ICA1: variants seen among roughly 807,000 people sequenced by gnomAD.
ICA1 encodes 69 kDa islet cell autoantigen.
Under a neutral mutation model 71.0 loss-of-function variants are expected in ICA1, and 40 were observed. That is an observed-to-expected ratio of 0.56 (90% CI 0.44 to 0.73). The LOEUF (loss-of-function observed/expected upper bound fraction) is 0.73. Among genes scored for constraint, ICA1 ranks in the 30% least tolerant of loss-of-function variants. ICA1 has a pLI of 0.00. For synonymous variants in ICA1, 207 were observed against 209.5 expected (o/e 0.99, Z 0.10); for missense variants, 578 against 576.5 (o/e 1.00, Z -0.03).
chr7:8,197,463 G>C lies in ICA1; in HGVS notation c.579+20842C>G, dbSNP rs573915505. On this transcript the variant is annotated intron_variant, in intron 6 of 13. Transcript: ENST00000402384. The stretch of plus-strand genomic sequence containing the variant: ...AGCTACTCGGGAGACTGGGGCAGAA[G>C]ACTCACTTGAACCCGGGAGGTGGAG... Among the ~76,000 whole-genome samples, 3 of 149,622 alleles carry C rather than the reference G, an allele frequency of 2.0e-5. No homozygotes were observed. In the South Asian group the frequency reaches 6.3e-4, roughly 32 times the overall value.
At chr7:8,151,200 G>C (rs569695819) in intron 8 of ICA1, among the ~76,000 whole-genome samples, 1 of 152,300 alleles carries the variant, frequency 6.6e-6, no homozygotes, top group African/African-American at 2.4e-5. Flanking sequence ...CCACACAATA[G>C]TAATATTTTT....
chr7:8,258,095 G>A (rs983757572), intron 1 of ICA1, among the ~76,000 whole-genome samples: 8 of 152,066 alleles, frequency 5.3e-5, no homozygotes, highest in East Asian at 1.9e-4. Flanking sequence ...TCTCCTGTTG[G>A]GGTGGGATGC....
chr7:8,145,503 C>T (rs1796550112), intron 8 of ICA1, among the ~76,000 whole-genome samples: 1 of 152,028 alleles, frequency 6.6e-6, no homozygotes. Context: ...CTAAGCATGC[C>T]AAATTCAGGA....
chr7:8,169,901 A>AGTGTGTGTGTGTGTGTGT (rs58794085), intron 6 of ICA1, among the ~76,000 whole-genome samples: 2,959 of 147,144 alleles, frequency 0.02, 45 homozygotes, highest in Non-Finnish European at 0.032. Context: ...TTAATGCCTG[A>AGTGTGTGTGTGTGTGTGT]GTGTGTGTGT....
chr7:8,186,043 T>C (rs1299638468), intron 6 of ICA1, among the ~76,000 whole-genome samples: 1 of 151,942 alleles, frequency 6.6e-6, no homozygotes, highest in East Asian at 1.9e-4. Flanking sequence ...GGCAAAAGAG[T>C]GGTTGTATAA....
chr7:8,261,992 G>T (rs1324069450), intron 1 of ICA1, 102 bp downstream of exon 1: 2 of 152,304 alleles, frequency 1.3e-5, no homozygotes, highest in African/African-American at 2.4e-5. Context: ...AGAGAAGGCA[G>T]CTCCTACCAG....
rs1797357359 is a variant in ICA1, at chr7:8,222,308, A to G, written c.257-910T>C. Among the ~76,000 whole-genome samples the G allele has an allele frequency of 6.6e-6, 1 of 152,182 alleles. No individual in the cohort carries two copies. The highest frequency in any genetic ancestry group is 6.5e-5 in the Admixed American group (1 of 15,278). On this transcript the variant is annotated intron_variant, in intron 4 of 13. Coordinates refer to ENST00000402384, the MANE Select transcript of ICA1 (RefSeq NM_001136020.3). The surrounding 1 kb of genome is among the most constrained non-coding windows in gnomAD (Gnocchi z 4.8). ...GGTCCTGAACACACACCAGCAGCCA[A>G]GCCACAGGCACCAGAGTGACACTTA...
At chr7:8,198,206 T>C (rs10952095) in intron 6 of ICA1, among the ~76,000 whole-genome samples, 73,302 of 152,082 alleles carry the variant, frequency 0.48, 21,794 homozygotes, top group South Asian at 0.74. Flanking sequence ...TGCTACTTCA[T>C]GCTCCTTCTC....
At position 8,151,159 on chromosome 7, in the gene ICA1, C is replaced by T. The variant is rs1029066710; in HGVS notation, c.804+5957G>A. Among the ~76,000 whole-genome samples the T allele has an allele frequency of 2.6e-5, 4 of 152,234 alleles. No individual in the cohort carries two copies. In the East Asian group the frequency reaches 5.8e-4, roughly 22 times the overall value. ...CTCCTAGACACTATTTCACCTCACC[C>T]TTTGCAGAGCGTTTGGCCCAGACAA... On this transcript the variant is annotated intron_variant, in intron 8 of 13. Transcript: ENST00000402384.
In ICA1 at chr7:8,144,240, C is replaced by G. The variant is rs1013831233; in HGVS notation, c.805-268G>C. Among the ~76,000 whole-genome samples, 1 of 151,974 alleles carries G rather than the reference C, an allele frequency of 6.6e-6. No homozygotes were observed. Among genetic ancestry groups the G allele is most frequent in the African/African-American group, 2.4e-5 (1 of 41,388 alleles). ...TGATTTGCCACAAGATTTATGTTTT[C>G]CATTTTGTGATAAGTTATTCAAACG... On this transcript the variant is annotated intron_variant, in intron 8 of 13. Coordinates refer to ENST00000402384, the MANE Select transcript of ICA1 (RefSeq NM_001136020.3). This position sits in a 1 kb window ranked among gnomAD's most constrained non-coding sequence, Gnocchi z 4.5.
intron 6 of ICA1, among the ~76,000 whole-genome samples, chr7:8,175,558 G>A (rs1400685824): frequency 6.6e-6 from 1 of 152,068 alleles, no homozygotes; most frequent in East Asian, 1.9e-4. Context: ...AACCACACAT[G>A]CAGCTGACAC....
At chr7:8,157,403 C>A in intron 7 of ICA1, 189 bp from the exon 8 acceptor site, 1 of 588,504 alleles carries the variant, frequency 1.7e-6, no homozygotes, top group Non-Finnish European at 2.9e-6. Flanking sequence ...CCTGTTTCCC[C>A]AAATGCTGCC....
At chr7:8,170,766 C>G (rs1172746802) in intron 6 of ICA1, among the ~76,000 whole-genome samples, 2 of 151,968 alleles carry the variant, frequency 1.3e-5, no homozygotes, top group Non-Finnish European at 2.9e-5. Flanking sequence ...TGTACACATG[C>G]TGTCCAAGAA....
At chr7:8,246,046 C>A (rs897689556) in intron 1 of ICA1, among the ~76,000 whole-genome samples, 4 of 152,188 alleles carry the variant, frequency 2.6e-5, no homozygotes, top group Admixed American at 6.5e-5. Context: ...TCCACTTCTG[C>A]CACAAGGCCC....
chr7:8,241,470 T>C (rs1803855398), intron 1 of ICA1, among the ~76,000 whole-genome samples: 1 of 152,166 alleles, frequency 6.6e-6, no homozygotes, highest in Non-Finnish European at 1.5e-5. Flanking sequence ...ACATGCCAAA[T>C]TGTAAAGACC....
chr7:8,169,144 T>C (rs879852711), intron 6 of ICA1, among the ~76,000 whole-genome samples: 4 of 152,170 alleles, frequency 2.6e-5, no homozygotes, highest in Non-Finnish European at 5.9e-5. Context: ...GGCTGGATTC[T>C]TTCACTCAGC....
At chr7:8,166,852 G>A (rs1806176702) in intron 6 of ICA1, among the ~76,000 whole-genome samples, 1 of 151,770 alleles carries the variant, frequency 6.6e-6, no homozygotes, top group African/African-American at 2.4e-5. Flanking sequence ...CTATTCAAAA[G>A]AAGACATGGC....
chr7:8,153,941 T>G (rs1584640592), intron 8 of ICA1, among the ~76,000 whole-genome samples: 1 of 151,146 alleles, frequency 6.6e-6, no homozygotes, highest in Non-Finnish European at 1.5e-5. Context: ...TGGAAACCAC[T>G]TAGAAGATAG....
chr7:8,152,127 C>T (rs73239575), intron 8 of ICA1, among the ~76,000 whole-genome samples: 5,979 of 152,194 alleles, frequency 0.039, 357 homozygotes, highest in African/African-American at 0.13. Flanking sequence ...GTCTGCAAAG[C>T]TGAAGGACAG....
Sources: gnomAD v4.1 joint callset for allele counts (sites outside exome capture counted in the v4.1 genomes callset) on GRCh38, gnomAD v4.1.1 for gene constraint, Gnocchi (gnomAD v3.1) non-coding constraint, MANE v1.5 for transcripts, NCBI Gene and HGNC (gene_info 2026-07-23, HGNC 2026-07-21) for gene names.